Variants in AIG1 observed in about 807,000 individuals in gnomAD.
AIG1 encodes the protein androgen-induced gene 1 protein.
A neutral mutation model predicts 31.4 loss-of-function variants in AIG1; 23 were observed. The observed-to-expected ratio is 0.73, with a 90% CI of 0.53 to 1.04. The LOEUF is 1.04. Among genes scored for constraint, AIG1 ranks in the 50% least tolerant of loss-of-function variants. The pLI is 0.00. For missense variants in AIG1, 274 were observed against 295.0 expected (o/e 0.93, Z 0.52); for synonymous variants, 100 against 110.5 (o/e 0.90, Z 0.60).
intron 1 of AIG1, among the ~76,000 whole-genome samples, chr6:143,104,944 A>G (rs933859558): frequency 6.6e-6 from 1 of 152,058 alleles, no homozygotes; most frequent in Non-Finnish European, 1.5e-5. Flanking sequence ...TGTGCAAGAG[A>G]TATAGCTAGT....
Position 143,258,047 on chromosome 6 carries a change from CT to C in AIG1, c.400-26062del, listed in dbSNP as rs1320396862. 6.6e-6 allele frequency among the ~76,000 whole-genome samples: 1 copy of C among 152,196 alleles called. No homozygotes were observed. The highest frequency in any genetic ancestry group is 2.4e-5 in the African/African-American group (1 of 41,438). ...ACAGAAACTAATAACTACTGAATGCCTGTTATAAGCCAACCTGATGCCCAGA... is the reference window on the plus strand; with the variant it reads ...ACAGAAACTAATAACTACTGAATGCCGTTATAAGCCAACCTGATGCCCAGA... On this transcript the variant is annotated intron_variant, in intron 3 of 5. Coordinates refer to ENST00000357847, the MANE Select transcript of AIG1 (RefSeq NM_016108.4). The surrounding 1 kb of genome is among the most constrained non-coding windows in gnomAD (Gnocchi z 4.7).
chr6:143,068,872 G>A (rs935423632), intron 1 of AIG1, among the ~76,000 whole-genome samples: 62 of 151,822 alleles, frequency 4.1e-4, no homozygotes, highest in African/African-American at 1.2e-3. Flanking sequence ...TTAAAATTAC[G>A]GATATCACTT....
chr6:143,063,929 G>A (rs1175162814), intron 1 of AIG1, among the ~76,000 whole-genome samples: 1 of 152,180 alleles, frequency 6.6e-6, no homozygotes, highest in Non-Finnish European at 1.5e-5. Flanking sequence ...AGAGCTTATG[G>A]TCAAAAACTG....
intron 2 of AIG1, among the ~76,000 whole-genome samples, chr6:143,152,235 T>A (rs1159511317): frequency 6.6e-6 from 1 of 152,250 alleles, no homozygotes; most frequent in Non-Finnish European, 1.5e-5. Flanking sequence ...TTTTACTAGA[T>A]TGGATTAAAT....
chr6:143,264,272 G>A (rs545718905), intron 3 of AIG1, among the ~76,000 whole-genome samples: 17 of 151,730 alleles, frequency 1.1e-4, no homozygotes, highest in South Asian at 2.1e-4. Flanking sequence ...ATCCTTATTC[G>A]CTCCTGCTCA....
intron 2 of AIG1, among the ~76,000 whole-genome samples, chr6:143,148,345 A>AG (rs1271831056): frequency 2.0e-5 from 3 of 147,430 alleles, no homozygotes; most frequent in African/African-American, 7.5e-5. Context: ...TACAAAAAAA[A>AG]AAAAAAAAAA....
chr6:143,265,566 A>G (rs1796097618), intron 3 of AIG1, among the ~76,000 whole-genome samples: 1 of 152,208 alleles, frequency 6.6e-6, no homozygotes, highest in African/African-American at 2.4e-5. Context: ...TTTTGGAGCT[A>G]ACCCACTCCA....
intron 2 of AIG1, among the ~76,000 whole-genome samples, chr6:143,160,904 A>G (rs1408811142): frequency 1.1e-4 from 16 of 152,228 alleles, no homozygotes; most frequent in Admixed American, 1.0e-3. Context: ...TTAATAACCC[A>G]TATAATTCCC....
At chr6:143,235,362 A>G (rs1186619388) in intron 3 of AIG1, among the ~76,000 whole-genome samples, 1 of 152,176 alleles carries the variant, frequency 6.6e-6, no homozygotes, top group Non-Finnish European at 1.5e-5. Context: ...AGAAGGAAAA[A>G]CATCTGAAAT....
intron 2 of AIG1, among the ~76,000 whole-genome samples, chr6:143,147,473 A>T (rs1412982270): frequency 6.6e-6 from 1 of 152,048 alleles, no homozygotes; most frequent in Non-Finnish European, 1.5e-5. Context: ...AAATAAGAAG[A>T]CTGCATTGAT....
At chr6:143,198,908 T>G (rs1790470719) in intron 3 of AIG1, among the ~76,000 whole-genome samples, 1 of 152,084 alleles carries the variant, frequency 6.6e-6, no homozygotes, top group South Asian at 2.1e-4. Context: ...AAAAGAGAGA[T>G]TGTGGGACAA....
In AIG1 at chr6:143,339,644, G is replaced by C; in HGVS notation, c.685G>C (p.Glu229Gln). ...NYIWDTQKSM[E>Q]EEKEKPKLE ...CACTTTGCCTGTATTTCTAGGTATG[G>C]AAGAAGAGAAAGAAAAGCCTAAATT... Residue 229 changes from glutamate (E) to glutamine (Q), a missense_variant, in exon 6 of 6, where the codon GAA becomes CAA. Glu to Gln is a conservative substitution (Grantham distance 29, BLOSUM62 2). Coordinates refer to ENST00000357847, the MANE Select transcript of AIG1 (RefSeq NM_016108.4). 1 of 1,613,170 alleles carries C rather than the reference G, an allele frequency of 6.2e-7. No homozygotes were observed.
intron 1 of AIG1, among the ~76,000 whole-genome samples, chr6:143,095,599 A>C (rs1015586467): frequency 6.6e-6 from 1 of 152,196 alleles, no homozygotes; most frequent in Non-Finnish European, 1.5e-5. Flanking sequence ...ACAGAGCAAC[A>C]CCTAAAGAAT....
At chr6:143,264,416 A>G (rs1407349795) in intron 3 of AIG1, among the ~76,000 whole-genome samples, 2 of 152,080 alleles carry the variant, frequency 1.3e-5, no homozygotes, top group African/African-American at 4.8e-5. Flanking sequence ...AAGGCCCCAA[A>G]TTCTCTTTTT....
downstream of AIG1, chr6:143,342,346 C>T (rs1583926710): frequency 1.5e-6 from 1 of 671,320 alleles, no homozygotes; most frequent in Non-Finnish European, 2.7e-6. Context: ...GCGGTTCTAG[C>T]CCCGCCGCAG....
At chr6:143,119,529 A>G (rs191518366) in intron 1 of AIG1, among the ~76,000 whole-genome samples, 8 of 152,310 alleles carry the variant, frequency 5.3e-5, no homozygotes, top group African/African-American at 1.9e-4. Flanking sequence ...AGGGCTTTCT[A>G]CACTCCAGTG....
chr6:143,290,266 C>T (rs1344649438), intron 4 of AIG1, among the ~76,000 whole-genome samples: 1 of 152,228 alleles, frequency 6.6e-6, no homozygotes, highest in Non-Finnish European at 1.5e-5. Flanking sequence ...AAGTAAAGAA[C>T]ACTTGGAAGA....
rs1484988986 is a variant in AIG1 at position 143,226,244 on chromosome 6, A to AT, written c.400-57865dup. On this transcript the variant is annotated intron_variant, in intron 3 of 5. Transcript: ENST00000357847. Reference sequence around the variant, plus strand: ...TTCCATTCTTCTTAACTATATATATATATTTTTTTTTTTTTGAGATGGAGT... The same window carrying AT: ...TTCCATTCTTCTTAACTATATATATATTATTTTTTTTTTTTTGAGATGGAGT... Among the ~76,000 whole-genome samples the AT allele has an allele frequency of 3.2e-4, 43 of 135,492 alleles. 1 individual carries two copies. The highest frequency in any genetic ancestry group is 1.1e-3 in the East Asian group (5 of 4,360). 88.9% of individuals were successfully genotyped at this position (135,492 alleles called of 152,430 possible).
At chr6:143,186,122 G>A (rs1583451760) in intron 3 of AIG1, among the ~76,000 whole-genome samples, 1 of 152,172 alleles carries the variant, frequency 6.6e-6, no homozygotes. Context: ...GGACCATTCA[G>A]GGGCTGCCCT....
Sources: allele counts gnomAD v4.1 joint callset (sites outside exome capture counted in the v4.1 genomes callset), GRCh38; gene constraint gnomAD v4.1.1; non-coding constraint Gnocchi (gnomAD v3.1); transcripts MANE v1.5; gene names NCBI Gene and HGNC (gene_info 2026-07-23, HGNC 2026-07-21).